Variants in PTBP3 observed in about 807,000 individuals in gnomAD.
PTBP3 encodes polypyrimidine tract-binding protein 3.
Under a neutral mutation model 58.7 loss-of-function variants are expected in PTBP3, and 20 were observed. That is an observed-to-expected ratio of 0.34 (90% CI 0.24 to 0.50). PTBP3 has a LOEUF of 0.50. PTBP3 is among the 20% of genes least tolerant of loss of function. PTBP3 has a pLI of 0.98. For synonymous variants in PTBP3, 185 were observed against 219.8 expected, an observed-to-expected ratio of 0.84 and a Z score of 1.40; for missense variants, 509 against 637.2, an observed-to-expected ratio of 0.80 and a Z score of 2.17.
chr9:112,251,870 A>G (rs1404343487), intron 6 of PTBP3, among the ~76,000 whole-genome samples: 1 of 152,198 alleles, frequency 6.6e-6, no homozygotes, highest in Non-Finnish European at 1.5e-5. Context: ...ACAAAATAAT[A>G]TATGCATGTT....
At chr9:112,254,786 A>G (rs771086037) in intron 5 of PTBP3, among the ~76,000 whole-genome samples, 9 of 152,212 alleles carry the variant, frequency 5.9e-5, no homozygotes, top group Non-Finnish European at 1.0e-4. Context: ...GTAAAATGTT[A>G]CAGCCACTAT....
the PTBP3 span, among the ~76,000 whole-genome samples, chr9:112,378,875 T>C: frequency 0.015 from 2,324 of 151,482 alleles, 69 homozygotes; most frequent in African/African-American, 0.054. Context: ...GGAAATAGAG[T>C]CATTTAGGGC....
chr9:112,268,059 G>T lies in PTBP3; in HGVS notation c.341C>A (p.Pro114His). Residue 114 changes from proline (P) to histidine (H), a missense_variant, in exon 4 of 14, where the codon CCT becomes CAT. Pro to His is a moderately conservative substitution (Grantham distance 77). Coordinates refer to ENST00000374257, the MANE Select transcript of PTBP3 (RefSeq NM_001163788.4). ...NHRELKTDNL[P>H]NQARAQAALQ... The stretch of plus-strand genomic sequence containing the variant: ...ATCTTTAATACTTACAGCTTGATTA[G>T]GTAGATTGTCAGTCTTAAGTTCTCT... 3 of 1,609,814 alleles carry T rather than the reference G, an allele frequency of 1.9e-6. No homozygotes were observed. Among genetic ancestry groups the T allele is most frequent in the Non-Finnish European group, 1.7e-6 (2 of 1,178,460 alleles).
At position 112,223,809 on chromosome 9, in the gene PTBP3, T is replaced by C. The variant is rs767405683; in HGVS notation, c.*42A>G. On this transcript the variant is annotated 3_prime_UTR_variant, in exon 14 of 14. Coordinates refer to ENST00000374257, the MANE Select transcript of PTBP3 (RefSeq NM_001163788.4). ...TTCAGTCTATGTCTGAAGGTTTTAC[T>C]GAAATTATGGTCCAGTTTTAGGAGA... 2 of 1,612,954 alleles carry C rather than the reference T, an allele frequency of 1.2e-6. No individual in the cohort carries two copies. Among genetic ancestry groups the C allele is most frequent in the South Asian group, 1.1e-5 (1 of 91,034 alleles).
chr9:112,372,075 T>C, the PTBP3 span, among the ~76,000 whole-genome samples: 1 of 151,714 alleles, frequency 6.6e-6, no homozygotes, highest in African/African-American at 2.4e-5. Flanking sequence ...CTTCCATAGA[T>C]TCTTTTTTCT....
intron 3 of PTBP3, among the ~76,000 whole-genome samples, chr9:112,271,853 T>TC (rs1458001127): frequency 6.6e-6 from 1 of 152,150 alleles, no homozygotes; most frequent in Non-Finnish European, 1.5e-5. Flanking sequence ...TCTGAGAACT[T>TC]CCTACCCTGA....
At position 112,220,092 on chromosome 9, in the gene PTBP3, C is replaced by T; in HGVS notation, c.*3759G>A. 1 of 1,218,172 alleles carries T rather than the reference C, an allele frequency of 8.2e-7. No individual in the cohort carries two copies. The highest frequency in any genetic ancestry group is 1.5e-5 in the South Asian group (1 of 68,596). 75.5% of individuals were successfully genotyped at this position (1,218,172 alleles called of 1,614,324 possible). ...GAAAAATGCTTTACGCATCGTCACG[C>T]TGTCTCTTTTTGGTTTTAAAAATAG... On this transcript the variant is annotated 3_prime_UTR_variant, in exon 14 of 14. Coordinates refer to ENST00000374257, the MANE Select transcript of PTBP3 (RefSeq NM_001163788.4).
intron 1 of PTBP3, among the ~76,000 whole-genome samples, chr9:112,319,706 T>C (rs1829843837): frequency 8.8e-6 from 1 of 114,280 alleles, no homozygotes; most frequent in Admixed American, 8.6e-5. Context: ...GTCAGTATGT[T>C]GAAAAGACAT....
intron 4 of PTBP3, among the ~76,000 whole-genome samples, chr9:112,264,960 C>G (rs535912568): frequency 6.6e-6 from 1 of 152,064 alleles, no homozygotes; most frequent in Non-Finnish European, 1.5e-5. Flanking sequence ...ATTAAAAACT[C>G]TACTGAAAGA....
At chr9:112,252,916 G>T in intron 5 of PTBP3, 128 bp from the exon 6 acceptor site, 5 of 617,168 alleles carry the variant, frequency 8.1e-6, no homozygotes, top group Non-Finnish European at 1.4e-5. Flanking sequence ...GTACCAAAAT[G>T]ACTTAAGCCT....
the PTBP3 span, among the ~76,000 whole-genome samples, chr9:112,366,584 CAGA>C: frequency 1.3e-5 from 2 of 152,222 alleles, no homozygotes; most frequent in African/African-American, 4.8e-5. Context: ...TGCAAGTTCA[CAGA>C]AGATTTGGGG....
chr9:112,284,290 C>T (rs1564432917), intron 2 of PTBP3, among the ~76,000 whole-genome samples: 1 of 152,176 alleles, frequency 6.6e-6, no homozygotes, highest in Non-Finnish European at 1.5e-5. Flanking sequence ...AGGGGCTGAA[C>T]CCTGCAAAGC....
intron 2 of PTBP3, 104 bp from the exon 3 acceptor site, chr9:112,276,117 G>A (rs2132204222): frequency 5.7e-6 from 6 of 1,061,250 alleles, no homozygotes; most frequent in African/African-American, 1.6e-5. Context: ...TTTGGGTTTT[G>A]AACTTCAGGG....
chr9:112,307,188 C>T (rs1829256694), intron 1 of PTBP3, among the ~76,000 whole-genome samples: 1 of 152,162 alleles, frequency 6.6e-6, no homozygotes, highest in Admixed American at 6.5e-5. Context: ...CGCGGTGGCT[C>T]ACGCCTGTAA....
chr9:112,333,382 C>T, intron 1 of PTBP3, 88 bp downstream of exon 1: 2 of 1,412,320 alleles, frequency 1.4e-6, no homozygotes, highest in South Asian at 1.5e-5. Flanking sequence ...CCGCGCACTG[C>T]TCCCCAGCCC....
At chr9:112,285,515 G>C (rs1483613331) in intron 2 of PTBP3, among the ~76,000 whole-genome samples, 1 of 152,160 alleles carries the variant, frequency 6.6e-6, no homozygotes, top group Non-Finnish European at 1.5e-5. Context: ...GATCAAGCTG[G>C]TTAAAAATTT....
the PTBP3 span, among the ~76,000 whole-genome samples, chr9:112,368,273 C>G: frequency 6.6e-6 from 1 of 152,186 alleles, no homozygotes; most frequent in Admixed American, 6.5e-5. Flanking sequence ...CAGGTTTAAG[C>G]GATTCTTGTG....
At chr9:112,333,262 G>A (rs1384675342) in intron 1 of PTBP3, among the ~76,000 whole-genome samples, 1 of 152,134 alleles carries the variant, frequency 6.6e-6, no homozygotes, top group Non-Finnish European at 1.5e-5. Context: ...GCCGCGTGGG[G>A]AAAGGAGAGC....
intron 1 of PTBP3, among the ~76,000 whole-genome samples, chr9:112,326,410 C>A (rs1291874121): frequency 6.6e-6 from 1 of 152,222 alleles, no homozygotes; most frequent in African/African-American, 2.4e-5. Context: ...TGAATGAGCA[C>A]AGCTGTGTTT....
Sources: allele counts gnomAD v4.1 joint callset (sites outside exome capture counted in the v4.1 genomes callset), GRCh38; gene constraint gnomAD v4.1.1; transcripts MANE v1.5; gene names NCBI Gene and HGNC (gene_info 2026-07-23, HGNC 2026-07-21).